VPS41: variants seen among roughly 807,000 people sequenced by gnomAD.
VPS41 encodes vacuolar protein sorting-associated protein 41 homolog.
A neutral mutation model predicts 130.9 loss-of-function variants in VPS41; 85 were observed. That is an observed-to-expected ratio of 0.65 (90% CI 0.55 to 0.78). The LOEUF (loss-of-function observed/expected upper bound fraction) is 0.78, where lower values mean the gene tolerates loss of function less well. Among genes scored for constraint, VPS41 ranks in the 30% least tolerant of loss-of-function variants. The pLI is 0.00. For synonymous variants in VPS41, 335 were observed against 332.9 expected (o/e 1.01, Z -0.07); for missense variants, 874 against 1,018.7 (o/e 0.86, Z 1.93).
At chr7:38,803,717 T>C (rs2071665393) in intron 7 of VPS41, among the ~76,000 whole-genome samples, 1 of 151,818 alleles carries the variant, frequency 6.6e-6, no homozygotes, top group Non-Finnish European at 1.5e-5. Flanking sequence ...AAAATATGAG[T>C]GAGTGTGGAG....
chr7:38,778,538 T>C (rs1186080581), intron 10 of VPS41, among the ~76,000 whole-genome samples: 4 of 152,232 alleles, frequency 2.6e-5, no homozygotes, highest in Non-Finnish European at 4.4e-5. Context: ...CAAGAGGTTT[T>C]GGTTGTCATC....
intron 10 of VPS41, among the ~76,000 whole-genome samples, chr7:38,783,542 A>G (rs948030696): frequency 2.6e-5 from 4 of 152,124 alleles, no homozygotes; most frequent in Non-Finnish European, 5.9e-5. Context: ...TCAAAAAAAA[A>G]AAGAGATAAT....
intron 8 of VPS41, 169 bp downstream of exon 8, chr7:38,796,576 A>G: frequency 2.1e-6 from 2 of 970,162 alleles, no homozygotes; most frequent in Non-Finnish European, 3.2e-6. Context: ...ATGAAAGCCA[A>G]AAGCAATCTA....
chr7:38,881,481 G>A (rs1786606799), intron 2 of VPS41, among the ~76,000 whole-genome samples: 1 of 152,168 alleles, frequency 6.6e-6, no homozygotes, highest in African/African-American at 2.4e-5. Flanking sequence ...CAGGGATTAG[G>A]ATGTAGACAT....
At chr7:38,902,053 T>C (rs541661505) in intron 1 of VPS41, among the ~76,000 whole-genome samples, 5 of 152,250 alleles carry the variant, frequency 3.3e-5, no homozygotes, top group Admixed American at 3.3e-4. Context: ...AAACATTTCA[T>C]TTTACCTTTC....
rs1787052816 is a variant in VPS41, at chr7:38,898,134, A to G, written c.22-5T>C. On this transcript the variant is annotated splice_polypyrimidine_tract_variant and splice_region_variant and intron_variant, in intron 1 of 28. Transcript: ENST00000310301. ...TTCTTCAAGGGACCCAGTTTCCTAT[A>G]AAGCATAGAAAAAGAAAATGGTCAG... is the stretch of plus-strand genomic sequence containing the variant. 1 of 1,612,530 alleles carries G rather than the reference A, an allele frequency of 6.2e-7. No individual in the cohort carries two copies. Among genetic ancestry groups the G allele is most frequent in the Non-Finnish European group, 8.5e-7 (1 of 1,178,700 alleles).
intron 2 of VPS41, among the ~76,000 whole-genome samples, chr7:38,896,994 G>T (rs1333987581): frequency 6.6e-6 from 1 of 151,846 alleles, no homozygotes; most frequent in East Asian, 2.0e-4. Flanking sequence ...AAGAGTTTGA[G>T]AGCAGCCTGG....
intron 4 of VPS41, among the ~76,000 whole-genome samples, chr7:38,836,957 C>G (rs935096905): frequency 6.6e-6 from 1 of 152,088 alleles, no homozygotes; most frequent in African/African-American, 2.4e-5. Context: ...AAAAAGATTA[C>G]TATTTCACAA....
chr7:38,744,684 C>T (rs1421891458), intron 23 of VPS41, among the ~76,000 whole-genome samples: 1 of 152,098 alleles, frequency 6.6e-6, no homozygotes, highest in Admixed American at 6.5e-5. Flanking sequence ...ATTAGAACCC[C>T]AGGAACATGC....
At chr7:38,868,922 A>G (rs757968336) in intron 3 of VPS41, among the ~76,000 whole-genome samples, 1 of 152,192 alleles carries the variant, frequency 6.6e-6, no homozygotes, top group Non-Finnish European at 1.5e-5. Context: ...ATCACTGTCT[A>G]CATTCTACTT....
At chr7:38,819,901 T>C (rs1445689148) in intron 6 of VPS41, among the ~76,000 whole-genome samples, 3 of 152,162 alleles carry the variant, frequency 2.0e-5, no homozygotes, top group Non-Finnish European at 2.9e-5. Flanking sequence ...GGTTATCACG[T>C]TTGTGTTTAA....
chr7:38,887,681 C>T (rs111878438), intron 2 of VPS41, among the ~76,000 whole-genome samples: 1,845 of 152,092 alleles, frequency 0.012, 34 homozygotes, highest in African/African-American at 0.041. Context: ...ACAGAGAACA[C>T]CACAAAGATA....
Position 38,763,456 on chromosome 7 carries a change from T to A in VPS41, c.1421A>T (p.Glu474Val), listed in dbSNP as rs1410144777. The stretch of plus-strand genomic sequence containing the variant: ...TATGACCACATCAGAACACCATACC[T>A]CATAATCACTCTCCAAAAATTCATG... Reference protein sequence around the residue: ...ILHEFLESDYEGFATLIREWP... With the variant: ...ILHEFLESDYVGFATLIREWP... Residue 474 changes from glutamate (E) to valine (V), a missense_variant and splice_region_variant, in exon 17 of 29, where the codon GAG (glutamate) becomes GTG (valine). Physicochemically the swap from Glu to Val is moderately radical, Grantham distance 121. Transcript: ENST00000310301. 6.3e-7 allele frequency: 1 copy of A among 1,594,058 alleles called. No homozygotes were observed. Among genetic ancestry groups the A allele is most frequent in the Admixed American group, 1.8e-5 (1 of 56,760 alleles).
chr7:38,796,206 T>G (rs1784615429), intron 8 of VPS41, among the ~76,000 whole-genome samples: 1 of 152,216 alleles, frequency 6.6e-6, no homozygotes, highest in African/African-American at 2.4e-5. Context: ...CCTTGATGTT[T>G]CAAAAGATAT....
intron 5 of VPS41, among the ~76,000 whole-genome samples, chr7:38,826,178 G>T (rs976896747): frequency 2.0e-5 from 3 of 152,104 alleles, no homozygotes; most frequent in African/African-American, 7.2e-5. Flanking sequence ...TTTAGTTACG[G>T]GAAACTGAGC....
Position 38,763,431 on chromosome 7 carries a change from T to C in VPS41, c.1422+24A>G. The C allele has an allele frequency of 4.0e-6, 6 of 1,492,008 alleles. No homozygotes were observed. The South Asian group carries it at 6.3e-5, about 16-fold the overall frequency. The allele number at this position is 1,492,008 out of a possible 1,614,324, so 92.4% of individuals were successfully genotyped here. On this transcript the variant is annotated intron_variant, in intron 17 of 28. Coordinates refer to ENST00000310301, the MANE Select transcript of VPS41 (RefSeq NM_014396.4). ...ACACCTCCCATCGAGAACAAGTAAA[T>C]ATGACCACATCAGAACACCATACCT...
chr7:38,791,888 T>A (rs1480831580), intron 9 of VPS41, among the ~76,000 whole-genome samples: 1 of 152,158 alleles, frequency 6.6e-6, no homozygotes, highest in South Asian at 2.1e-4. Context: ...GACAGGAAGA[T>A]GAAGTGCAGA....
At chr7:38,762,179 T>C (rs536247654) in intron 17 of VPS41, among the ~76,000 whole-genome samples, 1 of 152,322 alleles carries the variant, frequency 6.6e-6, no homozygotes, top group South Asian at 2.1e-4. Flanking sequence ...TCAACTGGCT[T>C]TGTGTACCCT....
chr7:38,896,309 G>A (rs1786990956), intron 2 of VPS41, among the ~76,000 whole-genome samples: 1 of 152,176 alleles, frequency 6.6e-6, no homozygotes, highest in Admixed American at 6.5e-5. Flanking sequence ...TTTCAATACT[G>A]TATGAGAAAT....
Sources: gnomAD v4.1 joint callset for allele counts (sites outside exome capture counted in the v4.1 genomes callset) on GRCh38, gnomAD v4.1.1 for gene constraint, MANE v1.5 for transcripts, NCBI Gene and HGNC (gene_info 2026-07-23, HGNC 2026-07-21) for gene names.